DLGAP5: variants seen among roughly 807,000 people sequenced by gnomAD.
The protein encoded by DLGAP5 is DLG associated protein 5, also known as disks large-associated protein 5.
A neutral mutation model predicts 99.6 loss-of-function variants in DLGAP5; 90 were observed. The ratio of observed to expected loss-of-function variants is 0.90; its 90% CI spans 0.76 to 1.08. DLGAP5 has a LOEUF of 1.08. Among genes scored for constraint, DLGAP5 ranks in the 50% least tolerant of loss-of-function variants. The probability of loss-of-function intolerance (pLI) is 0.00; values close to 1 mark genes in which losing one functional copy is unlikely to be tolerated. For synonymous variants in DLGAP5, 311 were observed against 321.3 expected, an observed-to-expected ratio of 0.97 and a Z score of 0.34; for missense variants, 1,036 against 983.5, an observed-to-expected ratio of 1.05 and a Z score of -0.71.
intron 10 of DLGAP5, among the ~76,000 whole-genome samples, chr14:55,174,818 G>T (rs1308154565): frequency 6.6e-6 from 1 of 152,108 alleles, no homozygotes; most frequent in Non-Finnish European, 1.5e-5. Context: ...AGCCTCATGA[G>T]TAGCTGGGAC....
chr14:55,156,090 CAA>C (rs1272744066), intron 14 of DLGAP5, among the ~76,000 whole-genome samples: 2 of 134,582 alleles, frequency 1.5e-5, no homozygotes. Flanking sequence ...GACTCTGCCT[CAA>C]AAAAAAAAAA....
intron 7 of DLGAP5, among the ~76,000 whole-genome samples, 192 bp from the exon 8 acceptor site, chr14:55,177,528 C>A (rs1211550605): frequency 6.6e-6 from 1 of 151,112 alleles, no homozygotes; most frequent in African/African-American, 2.5e-5. Flanking sequence ...TTGCTATTAC[C>A]CGGGAATAGA....
At chr14:55,164,261 A>G (rs184117478) in intron 12 of DLGAP5, among the ~76,000 whole-genome samples, 67 of 152,134 alleles carry the variant, frequency 4.4e-4, no homozygotes, top group African/African-American at 1.6e-3. Flanking sequence ...GCTTGAACCG[A>G]GAAGGTCGAG....
At chr14:55,164,562 G>C (rs1170781222) in intron 12 of DLGAP5, among the ~76,000 whole-genome samples, 1 of 151,962 alleles carries the variant, frequency 6.6e-6, no homozygotes, top group African/African-American at 2.4e-5. Flanking sequence ...AAACACAGGA[G>C]AAAATCTTTG....
At chr14:55,183,796 T>A in intron 2 of DLGAP5, 43 bp from the exon 3 acceptor site, 1 of 1,438,830 alleles carries the variant, frequency 7.0e-7, no homozygotes, top group Middle Eastern at 2.2e-4. Flanking sequence ...TATAAAACAT[T>A]TCAGATGAAA....
At chr14:55,170,843 G>GC in intron 10 of DLGAP5, 56 bp from the exon 11 acceptor site, 2 of 1,253,786 alleles carry the variant, frequency 1.6e-6, no homozygotes, top group Non-Finnish European at 2.3e-6. Flanking sequence ...TAGTAGCTAA[G>GC]TATTAGCATA....
intron 7 of DLGAP5, among the ~76,000 whole-genome samples, chr14:55,179,124 T>C (rs919376880): frequency 1.3e-5 from 2 of 152,198 alleles, no homozygotes; most frequent in African/African-American, 4.8e-5. Context: ...GGGCATCTTT[T>C]TTGAAGACCT....
At chr14:55,177,437 TCTA>T in intron 7 of DLGAP5, 101 bp from the exon 8 acceptor site, 1 of 1,079,640 alleles carries the variant, frequency 9.3e-7, no homozygotes, top group Non-Finnish European at 1.3e-6. Flanking sequence ...AAATATATGT[TCTA>T]TGTACATAAT....
At chr14:55,180,559 CTACTCAAAGAAG>C in intron 6 of DLGAP5, 85 bp downstream of exon 6, 1 of 1,527,914 alleles carries the variant, frequency 6.5e-7, no homozygotes, top group Admixed American at 1.8e-5. Flanking sequence ...TCCTTCTCTC[CTACTCAAAGAAG>C]TACTTGTTGA....
At chr14:55,188,837 G>A in intron 2 of DLGAP5, 105 bp downstream of exon 2, 1 of 714,550 alleles carries the variant, frequency 1.4e-6, no homozygotes, top group Non-Finnish European at 2.3e-6. Flanking sequence ...TTTATAGAAT[G>A]GTATTTCAAA....
At chr14:55,154,099 C>T (rs1402799350) in intron 15 of DLGAP5, among the ~76,000 whole-genome samples, 8 of 151,984 alleles carry the variant, frequency 5.3e-5, no homozygotes, top group Admixed American at 5.2e-4. Context: ...TAGCCCATAA[C>T]AGTTGTTCAG....
chr14:55,181,715 GCCTT>G (rs1212670805), intron 4 of DLGAP5, among the ~76,000 whole-genome samples: 1 of 152,046 alleles, frequency 6.6e-6, no homozygotes, highest in Non-Finnish European at 1.5e-5. Context: ...TCTCAGGGAG[GCCTT>G]CCTTAACTGC....
rs8010751 is a variant in DLGAP5, at chr14:55,177,056, T to G, written c.1049+6A>C. On this transcript the variant is annotated splice_donor_region_variant and intron_variant, in intron 8 of 18. Coordinates refer to ENST00000247191, the MANE Select transcript of DLGAP5 (RefSeq NM_014750.5). ...AAGAGACTTATTATTAAGATCATAT[T>G]CTTACACTTCTGTTTTTAAAGGAGT... The G allele has an allele frequency of 0.023, 33,076 of 1,426,434 alleles. 2,611 individuals are homozygous for G. The African/African-American group carries it at 0.25, about 11-fold the overall frequency. The allele number at this position is 1,426,434 out of a possible 1,614,324, so 88.4% of individuals were successfully genotyped here. A position where few individuals can be genotyped will look rare whatever the true frequency, so the allele number is the denominator to read the frequency against.
chr14:55,177,433 A>G, intron 7 of DLGAP5, 97 bp from the exon 8 acceptor site: 1 of 1,119,402 alleles, frequency 8.9e-7, no homozygotes, highest in Non-Finnish European at 1.2e-6. Flanking sequence ...ACAGAAATAT[A>G]TGTTCTATGT....
chr14:55,178,730 T>C lies in DLGAP5; in HGVS notation c.774+899A>G, dbSNP rs186374870. Among the ~76,000 whole-genome samples, 298 of 152,312 alleles carry C rather than the reference T, an allele frequency of 2.0e-3. 1 individual carries two copies. Among genetic ancestry groups the C allele is most frequent in the Non-Finnish European group, 3.6e-3 (244 of 68,018 alleles). Reference sequence around the variant, plus strand: ...CTAAGAATCTAGCCAGGTTACTTAATCTTTGGTACTTTTTTTAAATTAAGA... The same window carrying C: ...CTAAGAATCTAGCCAGGTTACTTAACCTTTGGTACTTTTTTTAAATTAAGA... On this transcript the variant is annotated intron_variant, in intron 7 of 18. Coordinates refer to ENST00000247191, the MANE Select transcript of DLGAP5 (RefSeq NM_014750.5).
intron 2 of DLGAP5, among the ~76,000 whole-genome samples, chr14:55,188,572 A>C (rs1035039727): frequency 2.6e-5 from 4 of 152,174 alleles, no homozygotes; most frequent in African/African-American, 9.7e-5. Flanking sequence ...ATAATACTCC[A>C]CAGGTAAAGG....
rs116573504 is a variant in DLGAP5, at chr14:55,167,961, C to T, written c.1548+1438G>A. Among the ~76,000 whole-genome samples, 1,315 of 152,218 alleles carry T rather than the reference C, an allele frequency of 8.6e-3. 19 individuals are homozygous for T. The highest frequency in any genetic ancestry group is 0.029 in the African/African-American group (1,209 of 41,526). On this transcript the variant is annotated intron_variant, in intron 12 of 18. Transcript: ENST00000247191. ...TACTCAGTGCTAAACACTCAACAGG[C>T]TCCTTCATTGTTCACTTGCTCCCCA...
chr14:55,158,069 C>A (rs1882276185), intron 14 of DLGAP5, among the ~76,000 whole-genome samples: 1 of 152,232 alleles, frequency 6.6e-6, no homozygotes, highest in African/African-American at 2.4e-5. Context: ...AGCACATAAG[C>A]TTCATTTTAA....
In DLGAP5 at chr14:55,169,468, T is replaced by C. The variant is rs532403819; in HGVS notation, c.1479A>G (p.Glu493=). Residue 493 remains glutamate (E), a synonymous_variant, in exon 12 of 19, where the codon GAA becomes GAG. Coordinates refer to ENST00000247191, the MANE Select transcript of DLGAP5 (RefSeq NM_014750.5). The part of the protein sequence containing the change: ...KQFEGLVDDC[E]YKRGIKETTC... ...TAGTCTCCTTTATACCTCGTTTATA[T>C]TCACAATCATCAACCAGTCCTTCAA... The C allele has an allele frequency of 2.5e-6, 4 of 1,613,174 alleles. No homozygotes were observed. In the East Asian group the frequency reaches 8.9e-5, roughly 36 times the overall value.
Sources: gnomAD v4.1 joint callset for allele counts (sites outside exome capture counted in the v4.1 genomes callset) on GRCh38, gnomAD v4.1.1 for gene constraint, MANE v1.5 for transcripts, NCBI Gene and HGNC (gene_info 2026-07-23, HGNC 2026-07-21) for gene names.